BTG4: variants seen among roughly 807,000 people sequenced by gnomAD.
BTG4 encodes the protein protein BTG4.
A neutral mutation model predicts 19.3 loss-of-function variants in BTG4; 10 were observed. The ratio of observed to expected loss-of-function variants is 0.52; its 90% CI spans 0.32 to 0.88. The LOEUF (loss-of-function observed/expected upper bound fraction) is 0.88, where lower values mean the gene tolerates loss of function less well. BTG4 is among the 40% of genes least tolerant of loss of function. The pLI is 0.04. For synonymous variants in BTG4, 91 were observed against 95.7 expected (o/e 0.95, Z 0.29); for missense variants, 238 against 281.9 (o/e 0.84, Z 1.11).
the BTG4 span, among the ~76,000 whole-genome samples, chr11:111,412,576 T>C: frequency 6.6e-6 from 1 of 152,232 alleles, no homozygotes; most frequent in Non-Finnish European, 1.5e-5. Context: ...AACATTCATG[T>C]GGTGCTTACT....
the BTG4 span, among the ~76,000 whole-genome samples, chr11:111,432,884 G>T: frequency 6.6e-6 from 1 of 151,522 alleles, no homozygotes; most frequent in African/African-American, 2.4e-5. Context: ...TAGAGACAAG[G>T]TCTCAGTATG....
intron 1 of BTG4, among the ~76,000 whole-genome samples, chr11:111,505,838 G>C (rs1261663570): frequency 3.5e-4 from 53 of 152,098 alleles, no homozygotes; most frequent in African/African-American, 1.3e-3. Flanking sequence ...TTTCTCAGAA[G>C]AAGAAATACA....
the BTG4 span, chr11:111,417,961 C>T: frequency 6.6e-6 from 1 of 152,164 alleles, no homozygotes; most frequent in Non-Finnish European, 1.5e-5. Flanking sequence ...AGGAGCTTGA[C>T]CAAACTTGGC....
At chr11:111,488,609 G>A (rs571594) in intron 5 of BTG4, among the ~76,000 whole-genome samples, 77,528 of 151,914 alleles carry the variant, frequency 0.51, 22,613 homozygotes, top group South Asian at 0.72. Context: ...ATCACATCTC[G>A]CTAAAAAGCT....
At chr11:111,469,431 G>C (rs1386294726) in intron 5 of BTG4, 1 of 152,184 alleles carries the variant, frequency 6.6e-6, no homozygotes, top group Admixed American at 6.5e-5. Flanking sequence ...TTTAGGCTTT[G>C]CAACATTTCA....
At chr11:111,514,276 A>C (rs898847506), upstream of BTG4, 2 of 162,034 alleles carry the variant, frequency 1.2e-5, no homozygotes, top group Admixed American at 1.1e-4. Context: ...AAATCACAGA[A>C]ACTGTACACA....
chr11:111,439,973 A>T, the BTG4 span, among the ~76,000 whole-genome samples: 1 of 152,252 alleles, frequency 6.6e-6, no homozygotes, highest in South Asian at 2.1e-4. Flanking sequence ...CTCAAAACTT[A>T]GCAGCCTAAG....
the BTG4 span, among the ~76,000 whole-genome samples, chr11:111,435,229 C>T: frequency 1.3e-5 from 2 of 152,222 alleles, no homozygotes; most frequent in African/African-American, 2.4e-5. Flanking sequence ...AACCCTGTCC[C>T]GTTCTCCACT....
chr11:111,410,183 CT>C, the BTG4 span, among the ~76,000 whole-genome samples: 12 of 148,878 alleles, frequency 8.1e-5, no homozygotes, highest in Non-Finnish European at 7.5e-5. Flanking sequence ...TTCTGAAACT[CT>C]TTTTTTTTTT....
At chr11:111,505,437 C>T (rs975808694) in intron 1 of BTG4, among the ~76,000 whole-genome samples, 14 of 152,048 alleles carry the variant, frequency 9.2e-5, no homozygotes, top group Non-Finnish European at 1.2e-4. Flanking sequence ...AAGACTGAAA[C>T]TAATTCCCCA....
chr11:111,498,908 A>C lies in BTG4; in HGVS notation c.-26-106T>G, dbSNP rs923135510. 15 of 739,288 alleles carry C rather than the reference A, an allele frequency of 2.0e-5. No individual in the cohort carries two copies. In the Admixed American group the frequency reaches 3.9e-4, roughly 19 times the overall value. 45.8% of individuals were successfully genotyped at this position (739,288 alleles called of 1,614,324 possible). On this transcript the variant is annotated intron_variant, in intron 1 of 4. Transcript: ENST00000692032. Reference sequence around the variant, plus strand: ...TTTACATACCTTAAAGTTAAAACTGAGAAAATCTGCTAGAAAGAAGTCCTT... The same window carrying C: ...TTTACATACCTTAAAGTTAAAACTGCGAAAATCTGCTAGAAAGAAGTCCTT...
At chr11:111,514,628 C>T, upstream of BTG4, 20 of 626,664 alleles carry the variant, frequency 3.2e-5, no homozygotes, top group South Asian at 3.9e-4. Context: ...GGGTGGGCTT[C>T]CGACGGCCCC....
chr11:111,411,040 G>A, the BTG4 span, among the ~76,000 whole-genome samples: 3 of 152,220 alleles, frequency 2.0e-5, no homozygotes, highest in South Asian at 4.1e-4. Context: ...CTAGATTAAC[G>A]TGATCCTTCT....
At chr11:111,513,029 C>T, upstream of BTG4, 1 of 460,776 alleles carries the variant, frequency 2.2e-6, no homozygotes, top group Non-Finnish European at 4.6e-6. Context: ...CACAGCATCA[C>T]CGCCGCCCGG....
At chr11:111,506,446 T>A (rs1866461539) in intron 1 of BTG4, among the ~76,000 whole-genome samples, 1 of 151,820 alleles carries the variant, frequency 6.6e-6, no homozygotes, top group Admixed American at 6.6e-5. Context: ...CATGTGGAAA[T>A]GAAAATAGAG....
At chr11:111,447,766 C>T in the BTG4 span, among the ~76,000 whole-genome samples, 21 of 152,314 alleles carry the variant, frequency 1.4e-4, no homozygotes, top group African/African-American at 4.8e-4. Context: ...GGATCCATAT[C>T]TTAGATTTCA....
chr11:111,442,421 A>T, the BTG4 span, among the ~76,000 whole-genome samples: 2 of 151,942 alleles, frequency 1.3e-5, no homozygotes, highest in South Asian at 4.2e-4. Context: ...GAATCACTTG[A>T]GCCAGGGAGG....
At chr11:111,512,961 A>T (rs1017504405), upstream of BTG4, 8 of 469,810 alleles carry the variant, frequency 1.7e-5, no homozygotes, top group African/African-American at 1.6e-4. Flanking sequence ...AGGCAGTGTC[A>T]TTAGCTGATT....
chr11:111,447,719 G>A, the BTG4 span, among the ~76,000 whole-genome samples: 1 of 152,162 alleles, frequency 6.6e-6, no homozygotes, highest in African/African-American at 2.4e-5. Context: ...AAAAGAGAGT[G>A]GAGACACTTA....
Sources: allele counts gnomAD v4.1 joint callset (sites outside exome capture counted in the v4.1 genomes callset), GRCh38; gene constraint gnomAD v4.1.1; transcripts MANE v1.5; gene names NCBI Gene and HGNC (gene_info 2026-07-23, HGNC 2026-07-21).